Variants in GABRG2 observed in about 807,000 individuals in gnomAD.
The protein encoded by GABRG2 is gamma-aminobutyric acid type A receptor subunit gamma2.
Under a neutral mutation model 56.4 loss-of-function variants are expected in GABRG2, and 16 were observed. The observed-to-expected ratio is 0.28, with a 90% CI of 0.19 to 0.43. The LOEUF (loss-of-function observed/expected upper bound fraction) is 0.43. GABRG2 is among the 20% of genes least tolerant of loss of function. GABRG2 has a pLI of 1.00. For synonymous variants in GABRG2, 208 were observed against 205.5 expected (o/e 1.01, Z -0.10); for missense variants, 327 against 582.7 (o/e 0.56, Z 4.52).
intron 1 of GABRG2, among the ~76,000 whole-genome samples, chr5:162,075,440 G>T (rs1395279551): frequency 6.6e-6 from 1 of 151,782 alleles, no homozygotes; most frequent in Non-Finnish European, 1.5e-5. Flanking sequence ...GCTTTACTTT[G>T]CCCTAGTACT....
intron 6 of GABRG2, among the ~76,000 whole-genome samples, chr5:162,135,512 T>C (rs989353955): frequency 1.3e-5 from 2 of 152,172 alleles, no homozygotes; most frequent in Non-Finnish European, 2.9e-5. Flanking sequence ...AATAAAATAG[T>C]GAGCAAAATA....
chr5:162,116,159 A>T (rs1161056579), intron 6 of GABRG2, among the ~76,000 whole-genome samples: 1 of 148,352 alleles, frequency 6.7e-6, no homozygotes, highest in East Asian at 2.0e-4. Context: ...TCCAGAAAGG[A>T]TTACTCTTGG....
chr5:162,109,411 TA>T (rs1561647246), intron 6 of GABRG2, among the ~76,000 whole-genome samples: 76 of 140,656 alleles, frequency 5.4e-4, no homozygotes, highest in African/African-American at 1.5e-3. Flanking sequence ...TATATATATA[TA>T]TATATATATA....
chr5:162,097,525 G>A, intron 3 of GABRG2, 113 bp from the exon 4 acceptor site: 2 of 847,894 alleles, frequency 2.4e-6, no homozygotes, highest in Non-Finnish European at 3.8e-6. Flanking sequence ...ACTATTCAAA[G>A]CCAAGATAGC....
intron 6 of GABRG2, among the ~76,000 whole-genome samples, chr5:162,125,760 A>G (rs928911284): frequency 6.6e-6 from 1 of 151,856 alleles, no homozygotes; most frequent in African/African-American, 2.4e-5. Flanking sequence ...CAAAAAACTT[A>G]CACAGAGTAA....
chr5:162,151,898 CTA>C lies in GABRG2; in HGVS notation c.1152+146_1152+147del. The C allele has an allele frequency of 1.3e-5, 9 of 711,142 alleles. 1 individual carries two copies. The South Asian group carries it at 1.3e-4, about 10-fold the overall frequency. 44.1% of individuals were successfully genotyped at this position (711,142 alleles called of 1,614,324 possible). A position where few individuals can be genotyped will look rare whatever the true frequency, so the allele number is the denominator to read the frequency against. On this transcript the variant is annotated intron_variant, in intron 9 of 9. Transcript: ENST00000639213. ...ATGTTGGAGAAAGTTCTACAGACTT[CTA>C]GAGTTGATTCAGCAACTATACACTA... is the stretch of plus-strand genomic sequence containing the variant.
rs564608646 is a variant in GABRG2, at chr5:162,141,203, A to AT, written c.770-955dup. On this transcript the variant is annotated intron_variant, in intron 6 of 9. Transcript: ENST00000639213. ...AGGCGCCCGCCACACCACCAGGCTAATTTTTTGTATTTTTTAGTAGAGACG... is the reference window on the plus strand; with the variant it reads ...AGGCGCCCGCCACACCACCAGGCTAATTTTTTTGTATTTTTTAGTAGAGACG... 1.4e-4 allele frequency among the ~76,000 whole-genome samples: 21 copies of AT among 152,032 alleles called. No homozygotes were observed. In the South Asian group the frequency reaches 4.4e-3, roughly 32 times the overall value.
intron 6 of GABRG2, among the ~76,000 whole-genome samples, chr5:162,141,443 A>G (rs1016174054): frequency 3.3e-5 from 5 of 152,182 alleles, no homozygotes; most frequent in African/African-American, 7.2e-5. Flanking sequence ...CGATTACTTG[A>G]CAAATGTTAC....
chr5:162,101,128 T>C, intron 4 of GABRG2, 107 bp from the exon 5 acceptor site: 1 of 809,438 alleles, frequency 1.2e-6, no homozygotes. Flanking sequence ...GTGTTTTCAA[T>C]CAGAATGTGA....
chr5:162,142,457 C>A, intron 7 of GABRG2, 141 bp downstream of exon 7: 2 of 908,690 alleles, frequency 2.2e-6, no homozygotes, highest in Non-Finnish European at 3.5e-6. Flanking sequence ...TTCAAGAGAA[C>A]TGGCATTTTT....
intron 1 of GABRG2, among the ~76,000 whole-genome samples, chr5:162,082,285 T>C (rs1256147808): frequency 2.0e-5 from 3 of 151,784 alleles, no homozygotes; most frequent in Non-Finnish European, 4.4e-5. Flanking sequence ...GAAAAGACAG[T>C]ACTTTATCTT....
At chr5:162,095,283 A>G (rs775726471) in intron 2 of GABRG2, among the ~76,000 whole-genome samples, 3 of 152,130 alleles carry the variant, frequency 2.0e-5, no homozygotes, top group Non-Finnish European at 4.4e-5. Context: ...AAACTCTACT[A>G]TGCGTGCTTG....
At chr5:162,087,406 T>A (rs1760209390) in intron 1 of GABRG2, among the ~76,000 whole-genome samples, 1 of 152,142 alleles carries the variant, frequency 6.6e-6, no homozygotes, top group South Asian at 2.1e-4. Context: ...TTCATGTGGC[T>A]GATCTCATTT....
rs200828542 is a variant in GABRG2 at position 162,097,719 on chromosome 5, T to C, written c.409T>C (p.Leu137=). 4.3e-5 allele frequency: 69 copies of C among 1,613,872 alleles called. No homozygotes were observed. In the East Asian group the frequency reaches 8.5e-4, roughly 20 times the overall value. Residue 137 remains leucine, a synonymous_variant, in exon 4 of 10, where the codon TTG becomes CTG. Transcript: ENST00000639213. ...KFNSTIKVLR[L]NSNMVGKIWI... is the part of the protein sequence containing the mutation. ...TAACAGCACCATTAAAGTCCTCCGA[T>C]TGAACAGCAACATGGTGGGGAAAAT...
At position 162,148,425 on chromosome 5, in the gene GABRG2, T is replaced by C. The variant is rs942358633; in HGVS notation, c.923-683T>C. ...GTTACTTCTGAGATACTTATTTTAA[T>C]CCTATAATAATCTAAAAAGAATCCA... is the stretch of plus-strand genomic sequence containing the variant. On this transcript the variant is annotated intron_variant, in intron 7 of 9. Coordinates refer to ENST00000639213, the MANE Select transcript of GABRG2 (RefSeq NM_198904.4). Among the ~76,000 whole-genome samples the C allele has an allele frequency of 5.0e-5, 7 of 138,642 alleles. No individual in the cohort carries two copies. In the East Asian group the frequency reaches 1.2e-3, roughly 25 times the overall value. 91.0% of individuals were successfully genotyped at this position (138,642 alleles called of 152,430 possible).
At chr5:162,114,563 A>T (rs1468038789) in intron 6 of GABRG2, among the ~76,000 whole-genome samples, 4 of 152,070 alleles carry the variant, frequency 2.6e-5, no homozygotes, top group Admixed American at 2.0e-4. Flanking sequence ...AAATAAGATA[A>T]ATAAAGGGCA....
intron 1 of GABRG2, 101 bp from the exon 2 acceptor site, chr5:162,093,727 C>A (rs1488417623): frequency 7.9e-6 from 9 of 1,144,600 alleles, no homozygotes; most frequent in Non-Finnish European, 1.2e-5. Flanking sequence ...TTAAACATTT[C>A]TTTTATCCTG....
At chr5:162,141,606 A>G (rs1423012491) in intron 6 of GABRG2, among the ~76,000 whole-genome samples, 1 of 152,218 alleles carries the variant, frequency 6.6e-6, no homozygotes. Context: ...CTTAAAATGT[A>G]AAGTAACTGC....
intron 9 of GABRG2, 130 bp from the exon 10 acceptor site, chr5:162,152,963 A>G: frequency 9.2e-7 from 1 of 1,083,624 alleles, no homozygotes; most frequent in Non-Finnish European, 1.4e-6. Flanking sequence ...ATTGTAGATC[A>G]TGATGTCATA....
Sources: allele counts gnomAD v4.1 joint callset (sites outside exome capture counted in the v4.1 genomes callset), GRCh38; gene constraint gnomAD v4.1.1; transcripts MANE v1.5; gene names NCBI Gene and HGNC (gene_info 2026-07-23, HGNC 2026-07-21).